ARG2: variants seen among roughly 807,000 people sequenced by gnomAD.
ARG2 encodes arginase 2.
A neutral mutation model predicts 39.4 loss-of-function variants in ARG2; 21 were observed. The observed-to-expected ratio is 0.53, with a 90% CI of 0.38 to 0.77. The LOEUF is 0.77. Among genes scored for constraint, ARG2 ranks in the 30% least tolerant of loss-of-function variants. The pLI is 0.00. For missense variants in ARG2, 378 were observed against 426.2 expected (o/e 0.89, Z 1.00); for synonymous variants, 150 against 156.7 (o/e 0.96, Z 0.32).
At chr14:67,642,792 TC>T (rs1566803678) in intron 3 of ARG2, among the ~76,000 whole-genome samples, 7 of 126,388 alleles carry the variant, frequency 5.5e-5, no homozygotes, top group African/African-American at 8.8e-5. Flanking sequence ...TACTACATTT[TC>T]TTTTTTTTTT....
intron 4 of ARG2, 192 bp from the exon 5 acceptor site, chr14:67,646,452 C>T: frequency 1.8e-6 from 1 of 566,558 alleles, no homozygotes; most frequent in Non-Finnish European, 3.2e-6. Flanking sequence ...TACTGTGTTC[C>T]TCAGCTGCCC....
chr14:67,632,965 C>T (rs560494813), intron 2 of ARG2, among the ~76,000 whole-genome samples: 5 of 151,480 alleles, frequency 3.3e-5, no homozygotes, highest in African/African-American at 4.8e-5. Context: ...GGACTACAGG[C>T]GCCCGCCACC....
At chr14:67,637,994 A>G (rs189697377) in intron 2 of ARG2, among the ~76,000 whole-genome samples, 79 of 152,226 alleles carry the variant, frequency 5.2e-4, no homozygotes, top group Non-Finnish European at 4.7e-4. Flanking sequence ...CGCTGCCTTG[A>G]ACCTGGGGAG....
At chr14:67,640,194 A>G (rs1261072269) in intron 2 of ARG2, among the ~76,000 whole-genome samples, 4 of 151,992 alleles carry the variant, frequency 2.6e-5, no homozygotes, top group Non-Finnish European at 5.9e-5. Context: ...GCCTGTTGTC[A>G]TATTTTTCTC....
At chr14:67,623,590 G>A (rs1364852765) in intron 2 of ARG2, among the ~76,000 whole-genome samples, 1 of 130,474 alleles carries the variant, frequency 7.7e-6, no homozygotes, top group Non-Finnish European at 1.5e-5. Flanking sequence ...TCACCAGGCT[G>A]GAGTACAGTG....
chr14:67,645,639 G>A lies in ARG2; in HGVS notation c.363-4G>A, dbSNP rs370914377. On this transcript the variant is annotated splice_polypyrimidine_tract_variant and splice_region_variant and intron_variant, in intron 3 of 7. Transcript: ENST00000261783. Reference sequence around the variant, plus strand: ...GCCTTCAAGATTATACTTGTTCTTTGCAGCCTGGCAATCGGTACCATTAGT... The same window carrying A: ...GCCTTCAAGATTATACTTGTTCTTTACAGCCTGGCAATCGGTACCATTAGT... The A allele has an allele frequency of 3.7e-6, 6 of 1,611,836 alleles. No homozygotes were observed. The African/African-American group carries it at 8.0e-5, about 22-fold the overall frequency.
chr14:67,622,867 G>A (rs1026146333), intron 2 of ARG2, among the ~76,000 whole-genome samples: 1 of 152,200 alleles, frequency 6.6e-6, no homozygotes, highest in African/African-American at 2.4e-5. Context: ...ATCAGCTGAG[G>A]CTGCTGAATG....
At chr14:67,636,779 C>T (rs1230411231) in intron 2 of ARG2, among the ~76,000 whole-genome samples, 1 of 152,178 alleles carries the variant, frequency 6.6e-6, no homozygotes, top group Admixed American at 6.5e-5. Context: ...AGTGTATAAA[C>T]AGCAAGTGAA....
intron 7 of ARG2, chr14:67,649,106 G>A (rs960638920): frequency 2.3e-4 from 35 of 152,164 alleles, no homozygotes; most frequent in African/African-American, 8.4e-4. Context: ...AGAGAACTTG[G>A]GGGTTCAATT....
chr14:67,639,645 G>A (rs1371433350), intron 2 of ARG2, among the ~76,000 whole-genome samples: 1 of 152,142 alleles, frequency 6.6e-6, no homozygotes, highest in Non-Finnish European at 1.5e-5. Context: ...AGTACACTGG[G>A]TGCAGTGGCT....
chr14:67,646,650 C>T lies in ARG2; in HGVS notation c.529C>T (p.Gln177Ter), dbSNP rs1370602965. ...LLRELQDKVP[Q>*]LPGFSWIKPC... ...CCATTTCTCCCTTTCATAGGTACCA[C>T]AACTCCCAGGATTTTCCTGGATCAA... is the stretch of plus-strand genomic sequence containing the variant. Residue 177 changes from glutamine to a stop codon, truncating the protein, a stop_gained, in exon 5 of 8, where the codon CAA becomes TAA. Coordinates refer to ENST00000261783, the MANE Select transcript of ARG2 (RefSeq NM_001172.4). LOFTEE classifies it high-confidence loss of function. 3 of 1,609,622 alleles carry T rather than the reference C, an allele frequency of 1.9e-6. No individual in the cohort carries two copies.
chr14:67,650,811 T>C lies in ARG2; in HGVS notation c.956T>C (p.Ile319Thr), dbSNP rs754563616. ...KTTANLAVDV[I>T]ASSFGQTREG... ...ACAGCTAACCTGGCAGTAGATGTGA[T>C]TGCTTCAAGCTTTGGTCAGACAAGA... is the stretch of plus-strand genomic sequence containing the variant. The change falls in exon 8 of 8, where the codon ATT becomes ACT. Residue 319 changes from isoleucine to threonine, a missense_variant. Transcript: ENST00000261783. 5.0e-6 allele frequency: 8 copies of C among 1,614,060 alleles called. No individual in the cohort carries two copies. Among genetic ancestry groups the C allele is most frequent in the South Asian group, 1.1e-5 (1 of 91,092 alleles).
chr14:67,633,507 A>T (rs1480030059), intron 2 of ARG2, among the ~76,000 whole-genome samples: 1 of 152,164 alleles, frequency 6.6e-6, no homozygotes, highest in Non-Finnish European at 1.5e-5. Context: ...ACATATCCCA[A>T]ACTGACCTTA....
At chr14:67,639,347 T>C (rs779466457) in intron 2 of ARG2, among the ~76,000 whole-genome samples, 6 of 152,346 alleles carry the variant, frequency 3.9e-5, no homozygotes, top group East Asian at 1.9e-4. Flanking sequence ...CCTATGAGGA[T>C]TGAATGAAAG....
At chr14:67,630,843 A>G (rs1374101554) in intron 2 of ARG2, among the ~76,000 whole-genome samples, 1 of 152,160 alleles carries the variant, frequency 6.6e-6, no homozygotes, top group Non-Finnish European at 1.5e-5. Flanking sequence ...TTGGCCTCCC[A>G]AAGTGCTGGG....
intron 2 of ARG2, among the ~76,000 whole-genome samples, chr14:67,632,542 C>T (rs1755799575): frequency 6.6e-6 from 1 of 152,014 alleles, no homozygotes; most frequent in Non-Finnish European, 1.5e-5. Flanking sequence ...GAGCAAGGTG[C>T]CCACCATTTG....
intron 2 of ARG2, among the ~76,000 whole-genome samples, chr14:67,636,974 C>A (rs938056199): frequency 2.0e-5 from 3 of 152,200 alleles, no homozygotes. Context: ...AAAGTTCCCA[C>A]AGGCATAACA....
intron 2 of ARG2, among the ~76,000 whole-genome samples, chr14:67,638,605 C>G (rs1156302380): frequency 6.6e-6 from 1 of 152,126 alleles, no homozygotes; most frequent in African/African-American, 2.4e-5. Flanking sequence ...GGCACTGAAA[C>G]TGTGCAAATT....
intron 3 of ARG2, among the ~76,000 whole-genome samples, chr14:67,643,913 G>A (rs368948341): frequency 2.9e-4 from 42 of 143,028 alleles, no homozygotes; most frequent in African/African-American, 9.0e-4. Flanking sequence ...GTCACACCCA[G>A]GTTCCCTACT....
Sources: allele counts gnomAD v4.1 joint callset (sites outside exome capture counted in the v4.1 genomes callset), GRCh38; gene constraint gnomAD v4.1.1; transcripts MANE v1.5; gene names NCBI Gene and HGNC (gene_info 2026-07-23, HGNC 2026-07-21).